CTNNA2: variants seen among roughly 807,000 people sequenced by gnomAD.
The protein encoded by CTNNA2 is catenin alpha-2.
In CTNNA2, 42 loss-of-function variants were observed where a neutral mutation model predicts 101.0. The ratio of observed to expected loss-of-function variants is 0.42; its 90% CI spans 0.32 to 0.54. The LOEUF (loss-of-function observed/expected upper bound fraction) is 0.54, where lower values mean the gene tolerates loss of function less well. Ranked by LOEUF, CTNNA2 falls within the 20% of genes least tolerant of loss-of-function variation. CTNNA2 has a pLI of 0.14. For synonymous variants in CTNNA2, 450 were observed against 456.4 expected (o/e 0.99, Z 0.18); for missense variants, 871 against 1,223.1 (o/e 0.71, Z 4.29).
chr2:79,314,117 T>G (rs1676443402), intron 3 of CTNNA2, among the ~76,000 whole-genome samples: 1 of 152,100 alleles, frequency 6.6e-6, no homozygotes, highest in African/African-American at 2.4e-5. Context: ...TCCTTCTGCT[T>G]CAGGCCCTCT....
rs550816132 is a variant in CTNNA2 at position 79,276,336 on chromosome 2, T to A, written c.-405-36373T>A. On this transcript the variant is annotated intron_variant, in intron 2 of 21. Transcript: ENST00000466387. ...CAAGTTTGAAAGTTGTGCTAAAATATCCTCCTAATGTTATGGTTTTGTCGA... is the reference window on the plus strand; with the variant it reads ...CAAGTTTGAAAGTTGTGCTAAAATAACCTCCTAATGTTATGGTTTTGTCGA... 2.6e-5 allele frequency among the ~76,000 whole-genome samples: 4 copies of A among 152,266 alleles called. No homozygotes were observed. In the East Asian group the frequency reaches 7.7e-4, roughly 29 times the overall value.
chr2:79,868,615 A>C (rs570550187), intron 4 of CTNNA2, among the ~76,000 whole-genome samples: 103 of 152,298 alleles, frequency 6.8e-4, no homozygotes, highest in Non-Finnish European at 1.1e-3. Flanking sequence ...TGTGTTTCCG[A>C]ATTGTCAAAC....
chr2:80,094,643 G>T (rs1700025891), intron 7 of CTNNA2, among the ~76,000 whole-genome samples: 1 of 152,146 alleles, frequency 6.6e-6, no homozygotes, highest in African/African-American at 2.4e-5. Context: ...CATGAGCATG[G>T]AATGTTCTTC....
intron 7 of CTNNA2, among the ~76,000 whole-genome samples, chr2:80,283,186 T>G (rs1435012664): frequency 6.6e-6 from 1 of 152,042 alleles, no homozygotes; most frequent in Admixed American, 6.6e-5. Context: ...GAGTTGTGAT[T>G]GAAAGACACT....
intron 2 of CTNNA2, among the ~76,000 whole-genome samples, chr2:79,694,584 A>G (rs1178581825): frequency 1.3e-5 from 2 of 151,808 alleles, no homozygotes; most frequent in African/African-American, 4.8e-5. Context: ...ATTTGAATAG[A>G]GGATGTCAGG....
At chr2:80,315,796 T>G (rs536602834) in intron 7 of CTNNA2, among the ~76,000 whole-genome samples, 77 of 152,294 alleles carry the variant, frequency 5.1e-4, no homozygotes, top group African/African-American at 1.8e-3. Flanking sequence ...TGGCTTAATA[T>G]TATTACAACT....
At chr2:80,465,645 C>A (rs368400806) in intron 9 of CTNNA2, among the ~76,000 whole-genome samples, 11 of 152,110 alleles carry the variant, frequency 7.2e-5, no homozygotes, top group African/African-American at 2.6e-4. Flanking sequence ...AGAAAACAAA[C>A]AAAAAAAGAA....
At chr2:79,649,077 A>G (rs76974863) in intron 1 of CTNNA2, among the ~76,000 whole-genome samples, 1,780 of 152,148 alleles carry the variant, frequency 0.012, 49 homozygotes, top group African/African-American at 0.04. Context: ...CCTAACTAAC[A>G]CTTGCTTCTT....
intron 18 of CTNNA2, among the ~76,000 whole-genome samples, chr2:80,644,191 T>C (rs1673805241): frequency 6.6e-6 from 1 of 152,074 alleles, no homozygotes; most frequent in African/African-American, 2.4e-5. Context: ...CAACTTACGT[T>C]ACCTCCCTAA....
intron 1 of CTNNA2, among the ~76,000 whole-genome samples, chr2:79,553,276 T>A (rs1405720664): frequency 6.6e-6 from 1 of 152,190 alleles, no homozygotes; most frequent in East Asian, 1.9e-4. Context: ...TATCAGTATT[T>A]TTGTCAAAAC....
At chr2:80,339,086 A>G (rs1672000007) in intron 7 of CTNNA2, among the ~76,000 whole-genome samples, 1 of 152,130 alleles carries the variant, frequency 6.6e-6, no homozygotes, top group Non-Finnish European at 1.5e-5. Context: ...TCTCCATGGA[A>G]GTGTGTATAT....
At chr2:79,307,348 G>A (rs1383857017) in intron 2 of CTNNA2, among the ~76,000 whole-genome samples, 2 of 152,160 alleles carry the variant, frequency 1.3e-5, no homozygotes, top group Non-Finnish European at 2.9e-5. Flanking sequence ...CTCCGATCTA[G>A]CTGTAATTTC....
At chr2:79,634,853 A>T (rs1238521472) in intron 1 of CTNNA2, among the ~76,000 whole-genome samples, 1 of 152,254 alleles carries the variant, frequency 6.6e-6, no homozygotes, top group African/African-American at 2.4e-5. Context: ...TCTAGAGTTC[A>T]CAAAGACTTA....
intron 1 of CTNNA2, among the ~76,000 whole-genome samples, chr2:79,527,319 C>T (rs1194466257): frequency 6.6e-6 from 1 of 151,946 alleles, no homozygotes; most frequent in East Asian, 1.9e-4. Flanking sequence ...CGAGATCACA[C>T]CTGCTAGACG....
At chr2:79,874,714 A>G (rs1682873059) in intron 6 of CTNNA2, among the ~76,000 whole-genome samples, 1 of 152,142 alleles carries the variant, frequency 6.6e-6, no homozygotes, top group South Asian at 2.1e-4. Flanking sequence ...AGGCTGCGGC[A>G]GGAGAATCGC....
In CTNNA2 at chr2:80,303,917, A is replaced by G; in HGVS notation, c.1057-89294A>G. The G allele has an allele frequency of 7.2e-7, 1 of 1,397,466 alleles. No individual in the cohort carries two copies. Among genetic ancestry groups the G allele is most frequent in the Non-Finnish European group, 9.4e-7 (1 of 1,063,832 alleles). 86.6% of individuals were successfully genotyped at this position (1,397,466 alleles called of 1,614,324 possible). A position where few individuals can be genotyped will look rare whatever the true frequency, so the allele number is the denominator to read the frequency against. ...TATTCCGAGGGAGGGGAAGCGGGGG[A>G]GGGGGAGAAAAGGGCAAAAAATCAA... is the stretch of plus-strand genomic sequence containing the variant. On this transcript the variant is annotated intron_variant, in intron 7 of 18. Coordinates refer to ENST00000402739, the MANE Select transcript of CTNNA2 (RefSeq NM_001282597.3). The surrounding 1 kb of genome is among the most constrained non-coding windows in gnomAD (Gnocchi z 7.7).
At chr2:80,470,082 G>T (rs947691163) in intron 9 of CTNNA2, among the ~76,000 whole-genome samples, 2 of 151,986 alleles carry the variant, frequency 1.3e-5, no homozygotes, top group Non-Finnish European at 2.9e-5. Flanking sequence ...GAAGCATTGG[G>T]GCCAAGGGAG....
chr2:80,387,006 G>C (rs1244860944), intron 7 of CTNNA2, among the ~76,000 whole-genome samples: 2 of 152,170 alleles, frequency 1.3e-5, no homozygotes, highest in Non-Finnish European at 2.9e-5. Context: ...TAGGATGAGG[G>C]GCTGGGATGG....
At chr2:80,389,509 CT>C (rs1373996709) in intron 7 of CTNNA2, among the ~76,000 whole-genome samples, 2 of 152,108 alleles carry the variant, frequency 1.3e-5, no homozygotes, top group African/African-American at 4.8e-5. Flanking sequence ...ATCTCTCCCT[CT>C]TTTCCTCTCT....
Sources: allele counts gnomAD v4.1 joint callset (sites outside exome capture counted in the v4.1 genomes callset), GRCh38; gene constraint gnomAD v4.1.1; non-coding constraint Gnocchi (gnomAD v3.1); transcripts MANE v1.5; gene names NCBI Gene and HGNC (gene_info 2026-07-23, HGNC 2026-07-21).